The following MACO1 variants were observed in gnomAD, a reference collection of about 807,000 sequenced individuals.
MACO1 encodes macoilin.
In MACO1, 14 loss-of-function variants were observed where a neutral mutation model predicts 78.7. The ratio of observed to expected loss-of-function variants is 0.18; its 90% CI spans 0.12 to 0.28. The LOEUF (loss-of-function observed/expected upper bound fraction) is 0.28, where lower values mean the gene tolerates loss of function less well. MACO1 is among the 10% of genes least tolerant of loss of function. The pLI is 1.00. For missense variants in MACO1, 501 were observed against 799.0 expected, an observed-to-expected ratio of 0.63 and a Z score of 4.50; for synonymous variants, 288 against 291.6, an observed-to-expected ratio of 0.99 and a Z score of 0.12.
chr1:25,451,133 T>A (rs988501548), intron 3 of MACO1, among the ~76,000 whole-genome samples: 4 of 152,176 alleles, frequency 2.6e-5, no homozygotes, highest in African/African-American at 9.7e-5. Flanking sequence ...ATGAAATATG[T>A]TTTAATTTGG....
chr1:25,458,492 T>C lies in MACO1; in HGVS notation c.754T>C (p.Tyr252His). 12 of 1,613,634 alleles carry C rather than the reference T, an allele frequency of 7.4e-6. No homozygotes were observed. Among genetic ancestry groups the C allele is most frequent in the Non-Finnish European group, 9.3e-6 (11 of 1,179,914 alleles). ...KLSTTLPEIE[Y>H]REKGKEKDKD... ...CTCCACAACTTTGCCAGAGATAGAA[T>C]ACCGAGAAAAAGGGAAAGAAAAGGA... is the stretch of plus-strand genomic sequence containing the variant. Residue 252 changes from tyrosine (Y) to histidine (H), a missense_variant, in exon 6 of 11, where the codon TAC (tyrosine) becomes CAC (histidine). Coordinates refer to ENST00000374343, the MANE Select transcript of MACO1 (RefSeq NM_018202.6).
At chr1:25,478,391 A>T (rs946117740) in intron 6 of MACO1, among the ~76,000 whole-genome samples, 2 of 152,244 alleles carry the variant, frequency 1.3e-5, no homozygotes, top group African/African-American at 4.8e-5. Context: ...ATTGCCCTTT[A>T]TTAAAATGTA....
intron 6 of MACO1, among the ~76,000 whole-genome samples, chr1:25,482,316 G>A (rs1056669917): frequency 7.2e-5 from 11 of 152,100 alleles, no homozygotes; most frequent in Admixed American, 7.2e-4. Context: ...TTGAGATCCA[G>A]CCTCTGTAGA....
At chr1:25,494,790 A>G (rs2043520150) in intron 10 of MACO1, among the ~76,000 whole-genome samples, 1 of 152,172 alleles carries the variant, frequency 6.6e-6, no homozygotes, top group South Asian at 2.1e-4. Flanking sequence ...TGAAGGAAGA[A>G]TAAGTTTGGT....
At chr1:25,442,088 A>G (rs916198240) in intron 1 of MACO1, among the ~76,000 whole-genome samples, 1 of 152,248 alleles carries the variant, frequency 6.6e-6, no homozygotes, top group Non-Finnish European at 1.5e-5. Context: ...TAGATTAAAT[A>G]GGTCCTGAAA....
chr1:25,445,419 G>A (rs901446738), intron 1 of MACO1, among the ~76,000 whole-genome samples: 3 of 151,872 alleles, frequency 2.0e-5, no homozygotes, highest in African/African-American at 4.8e-5. Flanking sequence ...ATTAGAAATC[G>A]ACCCTAGATG....
At chr1:25,449,161 T>A (rs1293847374) in intron 3 of MACO1, among the ~76,000 whole-genome samples, 2 of 152,160 alleles carry the variant, frequency 1.3e-5, no homozygotes, top group African/African-American at 2.4e-5. Context: ...GCATTGCAGG[T>A]ACCAGCTCTC....
intron 6 of MACO1, among the ~76,000 whole-genome samples, chr1:25,475,437 C>T (rs1264697813): frequency 6.7e-6 from 1 of 149,762 alleles, no homozygotes; most frequent in Non-Finnish European, 1.5e-5. Flanking sequence ...GTTGGCTGAG[C>T]ATGGTGGCTC....
At chr1:25,463,909 A>C (rs1256610116) in intron 6 of MACO1, among the ~76,000 whole-genome samples, 1 of 152,186 alleles carries the variant, frequency 6.6e-6, no homozygotes, top group African/African-American at 2.4e-5. Context: ...GATTTCTCAT[A>C]TACCTGCTGT....
At position 25,446,731 on chromosome 1, in the gene MACO1, T is replaced by C. The variant is rs370754260; in HGVS notation, c.81-31T>C. 13 of 1,556,804 alleles carry C rather than the reference T, an allele frequency of 8.4e-6. No individual in the cohort carries two copies. The African/African-American group carries it at 1.8e-4, about 21-fold the overall frequency. ...ATTTCTAGTTATTCACAAATGACCT[T>C]AAATTAATTCTTTATTTTTATATTT... On this transcript the variant is annotated intron_variant, in intron 1 of 10. Coordinates refer to ENST00000374343, the MANE Select transcript of MACO1 (RefSeq NM_018202.6).
At position 25,486,658 on chromosome 1, in the gene MACO1, T is replaced by C. The variant is rs551739925; in HGVS notation, c.1496+863T>C. Among the ~76,000 whole-genome samples, 4 of 152,358 alleles carry C rather than the reference T, an allele frequency of 2.6e-5. No individual in the cohort carries two copies. In the East Asian group the frequency reaches 7.7e-4, roughly 29 times the overall value. The stretch of plus-strand genomic sequence containing the variant: ...GTAATTAAAGTTAAGTAATTTAACT[T>C]TTGGCATGTTGATAGCCTTCTTTGT... On this transcript the variant is annotated intron_variant, in intron 8 of 10. Transcript: ENST00000374343.
intron 3 of MACO1, among the ~76,000 whole-genome samples, chr1:25,449,770 G>A (rs947903488): frequency 7.9e-5 from 12 of 152,336 alleles, no homozygotes; most frequent in East Asian, 5.8e-4. Context: ...TGTAATCCCA[G>A]CACTTTGGGA....
At position 25,461,903 on chromosome 1, in the gene MACO1, A is replaced by G. The variant is rs150893638; in HGVS notation, c.1154+3011A>G. Among the ~76,000 whole-genome samples, 426 of 152,208 alleles carry G rather than the reference A, an allele frequency of 2.8e-3. 2 individuals carry two copies. The highest frequency in any genetic ancestry group is 0.01 in the African/African-American group (417 of 41,514). On this transcript the variant is annotated intron_variant, in intron 6 of 10. Transcript: ENST00000374343. Reference sequence around the variant, plus strand: ...TACATTTTCACATTTTTCTATGATGAACAGCAATGAAAGAGTTTAAAAGGA... The same window carrying G: ...TACATTTTCACATTTTTCTATGATGGACAGCAATGAAAGAGTTTAAAAGGA...
intron 6 of MACO1, among the ~76,000 whole-genome samples, chr1:25,464,245 A>G (rs1358551704): frequency 1.1e-4 from 16 of 151,730 alleles, no homozygotes; most frequent in Admixed American, 1.1e-3. Context: ...GTATGGTTGG[A>G]ATGATATTAC....
intron 6 of MACO1, among the ~76,000 whole-genome samples, chr1:25,474,218 T>C (rs944370032): frequency 6.6e-6 from 1 of 152,182 alleles, no homozygotes; most frequent in African/African-American, 2.4e-5. Context: ...GCTGAAAATA[T>C]CTTTACGTGA....
intron 6 of MACO1, among the ~76,000 whole-genome samples, chr1:25,481,023 T>G (rs532457615): frequency 2.7e-5 from 4 of 147,946 alleles, no homozygotes; most frequent in African/African-American, 9.9e-5. Context: ...ATTTTATGCT[T>G]TTTGGTCTCA....
intron 1 of MACO1, 149 bp from the exon 2 acceptor site, chr1:25,446,613 C>A: frequency 2.7e-6 from 2 of 738,608 alleles, no homozygotes; most frequent in Non-Finnish European, 4.1e-6. Flanking sequence ...AGATGGGCCA[C>A]GGCAGCATCT....
intron 10 of MACO1, among the ~76,000 whole-genome samples, chr1:25,494,822 G>A (rs906360460): frequency 6.6e-6 from 1 of 152,144 alleles, no homozygotes; most frequent in African/African-American, 2.4e-5. Flanking sequence ...TGATTTGAAG[G>A]TACTCCCCAG....
chr1:25,486,549 A>G (rs2043434603), intron 8 of MACO1, among the ~76,000 whole-genome samples: 2 of 152,078 alleles, frequency 1.3e-5, no homozygotes, highest in Non-Finnish European at 2.9e-5. Context: ...GTAAATTATT[A>G]TTTATTTCAC....
Sources: allele counts gnomAD v4.1 joint callset (sites outside exome capture counted in the v4.1 genomes callset), GRCh38; gene constraint gnomAD v4.1.1; transcripts MANE v1.5; gene names NCBI Gene and HGNC (gene_info 2026-07-23, HGNC 2026-07-21).